The following FMO4 variants were observed in gnomAD, a reference collection of about 807,000 sequenced individuals.
The protein encoded by FMO4 is dimethylaniline monooxygenase [N-oxide-forming] 4.
FMO4 carries 38 observed loss-of-function variants against 43.3 expected under a neutral mutation model. That is an observed-to-expected ratio of 0.88 (90% confidence interval 0.68 to 1.15). The LOEUF is 1.15. FMO4 is among the 50% of genes most tolerant of loss of function. The probability of loss-of-function intolerance (pLI) is 0.00; values close to 1 mark genes in which losing one functional copy is unlikely to be tolerated. For synonymous variants in FMO4, 224 were observed against 232.2 expected (o/e 0.96, Z 0.32); for missense variants, 631 against 663.3 (o/e 0.95, Z 0.54).
chr1:171,319,735 C>A, intron 2 of FMO4, 83 bp from the exon 3 acceptor site: 1 of 1,192,854 alleles, frequency 8.4e-7, no homozygotes, highest in Non-Finnish European at 1.2e-6. Context: ...GCATATATAG[C>A]ACTACAAAAA....
chr1:171,336,612 G>GA (rs1380267944), intron 8 of FMO4, among the ~76,000 whole-genome samples: 1 of 151,654 alleles, frequency 6.6e-6, no homozygotes, highest in African/African-American at 2.4e-5. Context: ...TATAAAGTGG[G>GA]TTTTTTTTAG....
rs2101876835 is a variant in FMO4 at position 171,319,873 on chromosome 1, C to T, written c.48C>T (p.Ser16=). The T allele has an allele frequency of 1.2e-6, 2 of 1,613,834 alleles. No homozygotes were observed. The highest frequency in any genetic ancestry group is 1.1e-5 in the South Asian group (1 of 91,080). The change falls in exon 3 of 10, where the codon TCC becomes TCT. Residue 16 remains serine, a synonymous_variant. Coordinates refer to ENST00000367749, the MANE Select transcript of FMO4 (RefSeq NM_002022.3). The part of the protein sequence containing the change: ...AVIGAGVSGL[S]SIKCCVDEDL... ...TTGGAGCTGGTGTGAGTGGCCTCTC[C>T]TCCATCAAATGCTGTGTGGATGAGG... is the stretch of plus-strand genomic sequence containing the variant.
At chr1:171,320,095 T>C in intron 3 of FMO4, 138 bp downstream of exon 3, 1 of 899,814 alleles carries the variant, frequency 1.1e-6, no homozygotes, top group Non-Finnish European at 1.8e-6. Context: ...TAATGCAGTG[T>C]TAAACATTAG....
intron 3 of FMO4, among the ~76,000 whole-genome samples, chr1:171,321,075 C>A (rs1662404958): frequency 6.6e-6 from 1 of 151,926 alleles, no homozygotes; most frequent in African/African-American, 2.4e-5. Context: ...TATTGTTAAC[C>A]TCATCAAGCC....
intron 8 of FMO4, among the ~76,000 whole-genome samples, chr1:171,334,969 T>G (rs570982538): frequency 6.6e-6 from 1 of 152,370 alleles, no homozygotes; most frequent in Admixed American, 6.5e-5. Flanking sequence ...GTGGATGAGA[T>G]AAATTTGGAC....
chr1:171,335,730 ATGT>A (rs1663090978), intron 8 of FMO4, among the ~76,000 whole-genome samples: 1 of 152,194 alleles, frequency 6.6e-6, no homozygotes. Flanking sequence ...ACAAAAAAAA[ATGT>A]TATTTGAATG....
intron 2 of FMO4, among the ~76,000 whole-genome samples, chr1:171,317,643 C>T (rs931196442): frequency 1.4e-4 from 22 of 152,196 alleles, no homozygotes; most frequent in Non-Finnish European, 4.4e-5. Context: ...TATACTTCCT[C>T]CAGTTCCCGC....
Position 171,324,262 on chromosome 1 carries a change from A to G in FMO4, c.446A>G (p.His149Arg), listed in dbSNP as rs1189727804. 2.5e-6 allele frequency: 4 copies of G among 1,611,128 alleles called. No individual in the cohort carries two copies. The highest frequency in any genetic ancestry group is 2.2e-5 in the East Asian group (1 of 44,760). ...GATGCTGTTATGGTTTGCACTGGAC[A>G]TTTCCTGAATCCCCATTTACCTTTG... ...VFDAVMVCTGHFLNPHLPLEA... is the reference protein window; with the variant it reads ...VFDAVMVCTGRFLNPHLPLEA... The change falls in exon 5 of 10, where the codon CAT becomes CGT. Residue 149 changes from histidine (H) to arginine (R), a missense_variant. Transcript: ENST00000367749.
At chr1:171,318,590 A>G (rs1026398316) in intron 2 of FMO4, among the ~76,000 whole-genome samples, 5 of 152,196 alleles carry the variant, frequency 3.3e-5, no homozygotes, top group Admixed American at 6.5e-5. Flanking sequence ...TCCCAAATCT[A>G]AAATCTGAAA....
At chr1:171,321,184 T>C (rs1662408234) in intron 3 of FMO4, among the ~76,000 whole-genome samples, 1 of 152,058 alleles carries the variant, frequency 6.6e-6, no homozygotes, top group South Asian at 2.1e-4. Context: ...TATTCTAAAG[T>C]AATACAGATT....
chr1:171,322,528 C>T (rs1309745256), intron 3 of FMO4, among the ~76,000 whole-genome samples: 1 of 152,122 alleles, frequency 6.6e-6, no homozygotes, highest in Admixed American at 6.6e-5. Context: ...AGCTTAGAGA[C>T]CTAATGCTGG....
Position 171,328,476 on chromosome 1 carries a change from A to G in FMO4, c.485-3164A>G, listed in dbSNP as rs192022743. 3.1e-3 allele frequency among the ~76,000 whole-genome samples: 465 copies of G among 152,146 alleles called. 1 individual carries two copies. Among genetic ancestry groups the G allele is most frequent in the African/African-American group, 0.011 (440 of 41,552 alleles). On this transcript the variant is annotated intron_variant, in intron 5 of 9. Coordinates refer to ENST00000367749, the MANE Select transcript of FMO4 (RefSeq NM_002022.3). ...GACCAGCCTGGACAACATGCGAAAC[A>G]CTGTCTCTGCTAAAAATACAAAAAT...
Position 171,334,600 on chromosome 1 carries a change from A to C in FMO4, c.1017A>C (p.Glu339Asp), listed in dbSNP as rs1286598085. Reference sequence around the variant, plus strand: ...CATTTTCTTTTCCATTTTTTGAAGAACCTCTTAAAAGCCTCTGTACAAAGA... The same window carrying C: ...CATTTTCTTTTCCATTTTTTGAAGACCCTCTTAAAAGCCTCTGTACAAAGA... ...GYTFSFPFFE[E>D]PLKSLCTKKI... is the part of the protein sequence containing the mutation. Residue 339 changes from glutamate (E) to aspartate (D), a missense_variant, in exon 8 of 10, where the codon GAA (glutamate) becomes GAC (aspartate). Coordinates refer to ENST00000367749, the MANE Select transcript of FMO4 (RefSeq NM_002022.3). The C allele has an allele frequency of 7.4e-6, 12 of 1,613,284 alleles. No homozygotes were observed.
chr1:171,330,490 G>T (rs1254482690), intron 5 of FMO4, among the ~76,000 whole-genome samples: 1 of 152,210 alleles, frequency 6.6e-6, no homozygotes, highest in Non-Finnish European at 1.5e-5. Context: ...TTGACTCCCA[G>T]TTCCACATGG....
At position 171,325,817 on chromosome 1, in the gene FMO4, C is replaced by CTTTTTTTTTTTTTTTT. The variant is rs869107866; in HGVS notation, c.484+1550_484+1565dup. On this transcript the variant is annotated intron_variant, in intron 5 of 9. Coordinates refer to ENST00000367749, the MANE Select transcript of FMO4 (RefSeq NM_002022.3). ...TAAATTCAGTTCCACATAGACTATC[C>CTTTTTTTTTTTTTTTT]TTTTTTTTTTTTTTTTTTTTTTTTT... 1.6e-4 allele frequency among the ~76,000 whole-genome samples: 8 copies of CTTTTTTTTTTTTTTTT among 51,032 alleles called. 2 individuals carry two copies. Among genetic ancestry groups the CTTTTTTTTTTTTTTTT allele is most frequent in the Non-Finnish European group, 1.6e-4 (4 of 24,830 alleles). 33.5% of individuals were successfully genotyped at this position (51,032 alleles called of 152,430 possible). A position where few individuals can be genotyped will look rare whatever the true frequency, so the allele number is the denominator to read the frequency against.
At position 171,338,665 on chromosome 1, in the gene FMO4, G is replaced by A. The variant is rs1457085999; in HGVS notation, c.1250+1240G>A. ...ACTTAATAAGAGAGAAGCCTTCTCT[G>A]ACAACACTATATGTGACAGCAACCC... On this transcript the variant is annotated intron_variant, in intron 9 of 9. Transcript: ENST00000367749. Among the ~76,000 whole-genome samples, 2 of 152,154 alleles carry A rather than the reference G, an allele frequency of 1.3e-5. 1 individual carries two copies.
intron 9 of FMO4, among the ~76,000 whole-genome samples, chr1:171,339,804 G>A (rs1365657639): frequency 1.3e-5 from 2 of 152,204 alleles, no homozygotes; most frequent in Non-Finnish European, 2.9e-5. Context: ...AAAATAAACA[G>A]ATGGCCTTGG....
intron 5 of FMO4, among the ~76,000 whole-genome samples, chr1:171,327,487 C>A (rs907704351): frequency 7.2e-5 from 11 of 152,136 alleles, no homozygotes; most frequent in Non-Finnish European, 1.6e-4. Context: ...GCACTGCAAT[C>A]TCAGCAGTGC....
intron 2 of FMO4, among the ~76,000 whole-genome samples, chr1:171,316,528 T>A (rs552047017): frequency 6.6e-6 from 1 of 152,332 alleles, no homozygotes; most frequent in East Asian, 1.9e-4. Context: ...CATAGATATT[T>A]TTATTATTTT....
Sources: gnomAD v4.1 joint callset for allele counts (sites outside exome capture counted in the v4.1 genomes callset) on GRCh38, gnomAD v4.1.1 for gene constraint, MANE v1.5 for transcripts, NCBI Gene and HGNC (gene_info 2026-07-23, HGNC 2026-07-21) for gene names.